Variants in PRR16 observed in about 807,000 individuals in gnomAD.
PRR16 encodes the protein protein Largen.
Under a neutral mutation model 18.2 loss-of-function variants are expected in PRR16, and 6 were observed. The ratio of observed to expected loss-of-function variants is 0.33; its 90% CI spans 0.18 to 0.65. The LOEUF (loss-of-function observed/expected upper bound fraction) is 0.65, where lower values mean the gene tolerates loss of function less well. PRR16 is among the 30% of genes least tolerant of loss of function. The pLI, the probability that PRR16 is intolerant of heterozygous loss-of-function variation, is 0.74. For missense variants in PRR16, 412 were observed against 376.6 expected (o/e 1.09, Z -0.78); for synonymous variants, 151 against 147.8 (o/e 1.02, Z -0.16).
At chr5:120,613,188 G>C (rs1056743358) in intron 1 of PRR16, among the ~76,000 whole-genome samples, 1 of 152,088 alleles carries the variant, frequency 6.6e-6, no homozygotes, top group African/African-American at 2.4e-5. Context: ...TAGCAATTAA[G>C]CGTGAATTTT....
chr5:120,645,293 C>T (rs1452423811), intron 1 of PRR16, among the ~76,000 whole-genome samples: 1 of 151,796 alleles, frequency 6.6e-6, no homozygotes, highest in African/African-American at 2.4e-5. Context: ...AAGGCTGGTA[C>T]TGTATAATAC....
At chr5:120,514,859 G>C (rs995389019) in intron 1 of PRR16, among the ~76,000 whole-genome samples, 4 of 151,956 alleles carry the variant, frequency 2.6e-5, no homozygotes, top group Admixed American at 1.3e-4. Context: ...TCTGTTTATG[G>C]CAATTTGGGT....
At chr5:120,485,413 C>T (rs759163907) in intron 1 of PRR16, among the ~76,000 whole-genome samples, 55 of 152,280 alleles carry the variant, frequency 3.6e-4, no homozygotes, top group Non-Finnish European at 1.9e-4. Flanking sequence ...CTTTTCCGCA[C>T]GTTTCTTAGA....
the PRR16 span, among the ~76,000 whole-genome samples, chr5:120,719,002 T>A: frequency 6.6e-6 from 1 of 151,836 alleles, no homozygotes; most frequent in African/African-American, 2.4e-5. Context: ...GAGGAGAAGA[T>A]TAGAGGACAG....
chr5:120,787,970 C>G, the PRR16 span, among the ~76,000 whole-genome samples: 1 of 151,824 alleles, frequency 6.6e-6, no homozygotes, highest in Non-Finnish European at 1.5e-5. Flanking sequence ...CTTACTCTCT[C>G]TCTTGCTTCT....
the PRR16 span, among the ~76,000 whole-genome samples, chr5:120,712,797 G>A: frequency 6.6e-6 from 1 of 152,096 alleles, no homozygotes; most frequent in Non-Finnish European, 1.5e-5. Flanking sequence ...TGGTTAGCTA[G>A]CTATTATCAA....
At chr5:120,770,247 C>T in the PRR16 span, among the ~76,000 whole-genome samples, 2 of 82,882 alleles carry the variant, frequency 2.4e-5, no homozygotes, top group African/African-American at 3.6e-5. Flanking sequence ...TAAAGACAAA[C>T]ACATAAGCCA....
intron 1 of PRR16, among the ~76,000 whole-genome samples, chr5:120,677,008 T>C (rs1171533121): frequency 1.3e-5 from 2 of 152,246 alleles, no homozygotes; most frequent in African/African-American, 4.8e-5. Context: ...TATTACATTG[T>C]TTCTAGCACA....
At chr5:120,575,607 CT>C (rs1753051712) in intron 1 of PRR16, among the ~76,000 whole-genome samples, 1 of 152,028 alleles carries the variant, frequency 6.6e-6, no homozygotes, top group Non-Finnish European at 1.5e-5. Flanking sequence ...AATCAACATT[CT>C]TTTATGATAA....
intron 1 of PRR16, among the ~76,000 whole-genome samples, chr5:120,602,710 G>A (rs1430900063): frequency 6.6e-6 from 1 of 151,898 alleles, no homozygotes; most frequent in African/African-American, 2.4e-5. Context: ...TGTCATAGGT[G>A]ACTCTTATTA....
chr5:120,767,935 G>GT, the PRR16 span, among the ~76,000 whole-genome samples: 1 of 151,710 alleles, frequency 6.6e-6, no homozygotes, highest in Non-Finnish European at 1.5e-5. Flanking sequence ...CAATAAAAGT[G>GT]TTTTTATAAA....
At chr5:120,640,492 A>G (rs902828559) in intron 1 of PRR16, among the ~76,000 whole-genome samples, 3 of 152,138 alleles carry the variant, frequency 2.0e-5, no homozygotes, top group Non-Finnish European at 4.4e-5. Context: ...CCCCCATAAT[A>G]GTCTTGTAAT....
intron 1 of PRR16, among the ~76,000 whole-genome samples, chr5:120,580,248 C>A (rs1414450994): frequency 2.0e-5 from 3 of 152,142 alleles, no homozygotes; most frequent in African/African-American, 7.2e-5. Context: ...ATTGCTCTGG[C>A]CAGAACTTCC....
At position 120,641,348 on chromosome 5, in the gene PRR16, A is replaced by G. The variant is rs146210824; in HGVS notation, c.160-44606A>G. Among the ~76,000 whole-genome samples the G allele has an allele frequency of 1.4e-3, 217 of 152,280 alleles. 1 individual carries two copies. The highest frequency in any genetic ancestry group is 2.6e-3 in the Non-Finnish European group (175 of 68,022). ...ATTAATGAGGGAGGCAGACAGACCA[A>G]TAATTATAATGCTGTTAGATAAACA... On this transcript the variant is annotated intron_variant, in intron 1 of 1. Coordinates refer to ENST00000407149, the MANE Select transcript of PRR16 (RefSeq NM_001300783.2).
chr5:120,587,892 A>T (rs1753501574), intron 1 of PRR16, among the ~76,000 whole-genome samples: 1 of 152,220 alleles, frequency 6.6e-6, no homozygotes, highest in African/African-American at 2.4e-5. Flanking sequence ...AAAGTAAATT[A>T]AAAACATTTT....
Position 120,550,234 on chromosome 5 carries a change from C to T in PRR16, c.159+85589C>T, listed in dbSNP as rs17146779. ...CTCTAAATATGAAGTTCGAGACATCCCAACATTTTTTGAGAAATAATGGAT... is the reference window on the plus strand; with the variant it reads ...CTCTAAATATGAAGTTCGAGACATCTCAACATTTTTTGAGAAATAATGGAT... On this transcript the variant is annotated intron_variant, in intron 1 of 1. Coordinates refer to ENST00000407149, the MANE Select transcript of PRR16 (RefSeq NM_001300783.2). 9.4e-3 allele frequency among the ~76,000 whole-genome samples: 1,430 copies of T among 152,028 alleles called. 26 individuals carry two copies. Among genetic ancestry groups the T allele is most frequent in the African/African-American group, 0.033 (1,366 of 41,490 alleles).
chr5:120,792,619 G>T, the PRR16 span, among the ~76,000 whole-genome samples: 1 of 152,002 alleles, frequency 6.6e-6, no homozygotes, highest in Non-Finnish European at 1.5e-5. Context: ...CACATAACAT[G>T]CAAGTCTCTC....
intron 1 of PRR16, among the ~76,000 whole-genome samples, chr5:120,587,309 A>G (rs1580756514): frequency 6.6e-6 from 1 of 152,346 alleles, no homozygotes; most frequent in East Asian, 1.9e-4. Context: ...TAATTGATTA[A>G]GGTGGCTACA....
chr5:120,610,978 G>A (rs112350558), intron 1 of PRR16, among the ~76,000 whole-genome samples: 5,503 of 152,242 alleles, frequency 0.036, 349 homozygotes, highest in African/African-American at 0.13. Context: ...TGCTGATAGC[G>A]ATATGGACAA....
Sources: gnomAD v4.1 joint callset for allele counts (sites outside exome capture counted in the v4.1 genomes callset) on GRCh38, gnomAD v4.1.1 for gene constraint, MANE v1.5 for transcripts, NCBI Gene and HGNC (gene_info 2026-07-23, HGNC 2026-07-21) for gene names.